The following XDH variants were observed in gnomAD, a reference collection of about 807,000 sequenced individuals.
XDH encodes the protein xanthine dehydrogenase/oxidase.
XDH carries 138 observed loss-of-function variants against 156.1 expected under a neutral mutation model. That is an observed-to-expected ratio of 0.88 (90% CI 0.77 to 1.02). The LOEUF is 1.02. XDH is among the 50% of genes least tolerant of loss of function. XDH has a pLI of 0.00. For synonymous variants in XDH, 669 were observed against 625.7 expected (o/e 1.07, Z -1.03); for missense variants, 1,849 against 1,684.9 (o/e 1.10, Z -1.71).
chr2:31,338,712 G>GTATT (rs1685039081), intron 34 of XDH, among the ~76,000 whole-genome samples: 1 of 106,284 alleles, frequency 9.4e-6, no homozygotes, highest in Non-Finnish European at 1.9e-5. Flanking sequence ...ATCTGACCAA[G>GTATT]TCTTTTTTTT....
chr2:31,387,998 C>G, intron 7 of XDH, 101 bp from the exon 8 acceptor site: 13 of 1,351,544 alleles, frequency 9.6e-6, no homozygotes, highest in Non-Finnish European at 1.3e-5. Flanking sequence ...ATTCCCAGCC[C>G]CCTGCAGGCT....
intron 12 of XDH, 67 bp downstream of exon 12, chr2:31,381,566 T>C: frequency 6.7e-7 from 1 of 1,501,606 alleles, no homozygotes; most frequent in Non-Finnish European, 9.2e-7. Context: ...CTCCAGAAAA[T>C]GACCTATCTG....
intron 24 of XDH, among the ~76,000 whole-genome samples, chr2:31,361,203 G>A (rs531697768): frequency 3.3e-5 from 5 of 152,304 alleles, no homozygotes; most frequent in East Asian, 3.9e-4. Context: ...TCCACTCATC[G>A]TAACAGCCCA....
chr2:31,343,573 T>TGCCTTATATAATGCATATATAAAA (rs1685199649), intron 31 of XDH, among the ~76,000 whole-genome samples: 1 of 145,946 alleles, frequency 6.9e-6, no homozygotes, highest in African/African-American at 2.5e-5. Flanking sequence ...CATATATATA[T>TGCCTTATATAATGCATATATAAAA]TCAGTGTAAT....
At chr2:31,338,643 A>G (rs1256783270) in intron 34 of XDH, among the ~76,000 whole-genome samples, 2 of 151,688 alleles carry the variant, frequency 1.3e-5, no homozygotes, top group African/African-American at 4.8e-5. Context: ...ATCAATTTTC[A>G]ACCATTTTTT....
rs1263996210 is a variant in XDH at position 31,335,896 on chromosome 2, G to A, written c.*62C>T. Reference sequence around the variant, plus strand: ...TTAATAGATCCATGTTCTGTGGTATGTTCCTCCTGCTCCATGGAAGCCCAA... The same window carrying A: ...TTAATAGATCCATGTTCTGTGGTATATTCCTCCTGCTCCATGGAAGCCCAA... On this transcript the variant is annotated 3_prime_UTR_variant, in exon 36 of 36. Transcript: ENST00000379416. 1.3e-6 allele frequency: 2 copies of A among 1,556,362 alleles called. No individual in the cohort carries two copies. Among genetic ancestry groups the A allele is most frequent in the East Asian group, 2.2e-5 (1 of 44,588 alleles).
At chr2:31,361,227 T>A (rs1685769093) in intron 24 of XDH, among the ~76,000 whole-genome samples, 1 of 152,264 alleles carries the variant, frequency 6.6e-6, no homozygotes, top group African/African-American at 2.4e-5. Context: ...ATCTTTACTA[T>A]TCCAACTTGC....
At chr2:31,347,772 T>C (rs1226244907) in intron 28 of XDH, 122 bp from the exon 29 acceptor site, 155 of 1,305,472 alleles carry the variant, frequency 1.2e-4, no homozygotes, top group Non-Finnish European at 1.6e-4. Context: ...TAAACTCTAA[T>C]CTCATTGTCT....
At chr2:31,360,257 G>C (rs1685741117) in intron 24 of XDH, among the ~76,000 whole-genome samples, 1 of 152,220 alleles carries the variant, frequency 6.6e-6, no homozygotes, top group Admixed American at 6.5e-5. Flanking sequence ...CAGCACTTTG[G>C]GAGGATGAGG....
chr2:31,365,589 C>A, intron 22 of XDH, 45 bp from the exon 23 acceptor site: 1 of 1,602,572 alleles, frequency 6.2e-7, no homozygotes, highest in South Asian at 1.1e-5. Context: ...CCTTCAACAG[C>A]AGCTCAGCCC....
At chr2:31,408,813 T>C (rs902587654) in intron 1 of XDH, among the ~76,000 whole-genome samples, 3 of 152,146 alleles carry the variant, frequency 2.0e-5, no homozygotes, top group Admixed American at 1.3e-4. Flanking sequence ...GAAGTCAGTA[T>C]ATAAAACAGA....
At chr2:31,342,659 A>G (rs547220115) in intron 31 of XDH, among the ~76,000 whole-genome samples, 1 of 152,292 alleles carries the variant, frequency 6.6e-6, no homozygotes, top group East Asian at 1.9e-4. Flanking sequence ...TTAGAATCCA[A>G]GGTCTTCAGG....
chr2:31,384,533 T>A (rs1010252487), intron 9 of XDH: 3 of 154,494 alleles, frequency 1.9e-5, no homozygotes, highest in Non-Finnish European at 4.3e-5. Context: ...GTTTCTGGCC[T>A]TCCTGACTAA....
intron 6 of XDH, among the ~76,000 whole-genome samples, chr2:31,395,355 G>A (rs912623438): frequency 1.3e-5 from 2 of 152,112 alleles, no homozygotes; most frequent in African/African-American, 4.8e-5. Flanking sequence ...TAAAGGTCCT[G>A]GGGTTGCGTA....
chr2:31,343,913 T>C (rs1685211686), intron 31 of XDH, among the ~76,000 whole-genome samples: 1 of 151,886 alleles, frequency 6.6e-6, no homozygotes, highest in African/African-American at 2.4e-5. Context: ...TGCATCTATA[T>C]ATTCATACAT....
intron 4 of XDH, among the ~76,000 whole-genome samples, chr2:31,400,123 T>C (rs1687015305): frequency 6.6e-6 from 1 of 151,812 alleles, no homozygotes; most frequent in Admixed American, 6.6e-5. Context: ...AAGATGCCAC[T>C]CCAAGGAATA....
chr2:31,368,827 CTA>C (rs1685994721), intron 18 of XDH, among the ~76,000 whole-genome samples, 167 bp from the exon 19 acceptor site: 1 of 152,200 alleles, frequency 6.6e-6, no homozygotes, highest in Admixed American at 6.5e-5. Context: ...TTGAGGATCA[CTA>C]GGATCAAGAT....
rs1204602012 is a variant in XDH, at chr2:31,349,712, C to A, written c.2943G>T (p.Arg981=). 6.2e-7 allele frequency: 1 copy of A among 1,614,184 alleles called. No individual in the cohort carries two copies. Among genetic ancestry groups the A allele is most frequent in the Non-Finnish European group, 8.5e-7 (1 of 1,180,042 alleles). The change falls in exon 26 of 36, where the codon CGG becomes CGT. Residue 981 remains arginine (R), a synonymous_variant. Transcript: ENST00000379416. ...TGTTGAACTTGTCAACCTCACTCTTCCGAGCATGATACTGAGAGCTTGCTA... is the reference window on the plus strand; with the variant it reads ...TGTTGAACTTGTCAACCTCACTCTTACGAGCATGATACTGAGAGCTTGCTA... ...ECLASSQYHA[R]KSEVDKFNKE...
At chr2:31,365,893 G>A in intron 22 of XDH, 83 bp downstream of exon 22, 1 of 1,602,898 alleles carries the variant, frequency 6.2e-7, no homozygotes, top group Admixed American at 1.7e-5. Flanking sequence ...TCTAACAGGG[G>A]GAAGTCCTGA....
Sources: gnomAD v4.1 joint callset for allele counts (sites outside exome capture counted in the v4.1 genomes callset) on GRCh38, gnomAD v4.1.1 for gene constraint, MANE v1.5 for transcripts, NCBI Gene and HGNC (gene_info 2026-07-23, HGNC 2026-07-21) for gene names.